HNRNPUL1: variants seen among roughly 807,000 people sequenced by gnomAD.
The protein encoded by HNRNPUL1 is heterogeneous nuclear ribonucleoprotein U like 1, also known as heterogeneous nuclear ribonucleoprotein U-like protein 1.
Under a neutral mutation model 108.5 loss-of-function variants are expected in HNRNPUL1, and 14 were observed. The ratio of observed to expected loss-of-function variants is 0.13; its 90% CI spans 0.09 to 0.20. HNRNPUL1 has a LOEUF of 0.20. Among genes scored for constraint, HNRNPUL1 ranks in the 10% least tolerant of loss-of-function variants. The probability of loss-of-function intolerance (pLI) is 1.00; values close to 1 mark genes in which losing one functional copy is unlikely to be tolerated. For synonymous variants in HNRNPUL1, 422 were observed against 445.2 expected (o/e 0.95, Z 0.66); for missense variants, 804 against 1,168.3 (o/e 0.69, Z 4.55).
Position 41,292,205 on chromosome 19 carries a change from C to T in HNRNPUL1, c.1000-40C>T, listed in dbSNP as rs546128654. The T allele has an allele frequency of 1.1e-5, 18 of 1,604,222 alleles. No individual in the cohort carries two copies. The East Asian group carries it at 2.0e-4, about 18-fold the overall frequency. On this transcript the variant is annotated intron_variant, in intron 7 of 14. Coordinates refer to ENST00000392006, the MANE Select transcript of HNRNPUL1 (RefSeq NM_007040.6). The surrounding 1 kb of genome is among the most constrained non-coding windows in gnomAD (Gnocchi z 4.1). ...CACATTTGACTCCCAGTGCCTATGG[C>T]AAGAGTTGGCAATCATATTCCTTTG...
intron 7 of HNRNPUL1, among the ~76,000 whole-genome samples, chr19:41,281,492 C>G (rs1355701314): frequency 6.6e-6 from 1 of 151,998 alleles, no homozygotes; most frequent in East Asian, 1.9e-4. Flanking sequence ...AGATGACACC[C>G]TGAAGAGGTT....
intron 6 of HNRNPUL1, among the ~76,000 whole-genome samples, chr19:41,280,692 C>A (rs2035851484): frequency 6.6e-6 from 1 of 152,172 alleles, no homozygotes; most frequent in African/African-American, 2.4e-5. Context: ...TCAGTCATAT[C>A]ACTTCAGCAC....
chr19:41,297,657 C>A (rs962563202), intron 10 of HNRNPUL1, among the ~76,000 whole-genome samples: 2 of 152,190 alleles, frequency 1.3e-5, no homozygotes, highest in African/African-American at 2.4e-5. Context: ...GCCATGTTGC[C>A]CAAGCCCACC....
chr19:41,277,062 A>C (rs1301681011), intron 5 of HNRNPUL1, among the ~76,000 whole-genome samples: 2 of 149,856 alleles, frequency 1.3e-5, no homozygotes, highest in African/African-American at 2.5e-5. Flanking sequence ...ACGCCACTGC[A>C]CTCCAGCCTG....
At chr19:41,287,114 C>T (rs986913758) in intron 7 of HNRNPUL1, among the ~76,000 whole-genome samples, 1 of 151,986 alleles carries the variant, frequency 6.6e-6, no homozygotes, top group African/African-American at 2.4e-5. Flanking sequence ...CTCCCAGGTT[C>T]AAGTGATTTT....
chr19:41,276,380 T>C, intron 5 of HNRNPUL1, 82 bp downstream of exon 5: 1 of 1,455,220 alleles, frequency 6.9e-7, no homozygotes, highest in Non-Finnish European at 9.3e-7. Flanking sequence ...TGGTCAGAGC[T>C]GCAACTGCAA....
intron 4 of HNRNPUL1, 81 bp downstream of exon 4, chr19:41,274,136 T>G (rs2035407418): frequency 3.6e-6 from 4 of 1,117,036 alleles, no homozygotes; most frequent in Admixed American, 3.4e-5. Context: ...CCAGAATCCC[T>G]GCTGGGCACC....
chr19:41,283,948 G>A (rs1475582987), intron 7 of HNRNPUL1, among the ~76,000 whole-genome samples: 3 of 152,320 alleles, frequency 2.0e-5, no homozygotes, highest in Non-Finnish European at 4.4e-5. Context: ...ACCTCCTATT[G>A]CTATTATGGT....
chr19:41,290,011 G>A (rs536256150), intron 7 of HNRNPUL1, among the ~76,000 whole-genome samples: 5 of 152,068 alleles, frequency 3.3e-5, no homozygotes, highest in East Asian at 1.9e-4. Flanking sequence ...ACATCCAGCC[G>A]CTCTCCATGG....
chr19:41,264,350 G>A, upstream of HNRNPUL1: 1 of 557,398 alleles, frequency 1.8e-6, no homozygotes, highest in Non-Finnish European at 2.8e-6. Flanking sequence ...CACGAGTGAG[G>A]GGGGAGGCGG....
chr19:41,277,574 T>G (rs1259672815), intron 5 of HNRNPUL1, among the ~76,000 whole-genome samples: 1 of 152,202 alleles, frequency 6.6e-6, no homozygotes, highest in Non-Finnish European at 1.5e-5. Flanking sequence ...TGGCGCGATC[T>G]CGGCTCACTG....
intron 10 of HNRNPUL1, among the ~76,000 whole-genome samples, chr19:41,297,046 ACT>A (rs2036933070): frequency 6.6e-6 from 1 of 152,040 alleles, no homozygotes; most frequent in Non-Finnish European, 1.5e-5. Flanking sequence ...TTGGGCACAA[ACT>A]CTCAGGTATA....
intron 5 of HNRNPUL1, 79 bp downstream of exon 5, chr19:41,276,377 A>T (rs781724680): frequency 2.1e-5 from 31 of 1,471,454 alleles, no homozygotes; most frequent in Non-Finnish European, 2.5e-5. Context: ...CCTTGGTCAG[A>T]GCTGCAACTG....
chr19:41,287,039 G>A (rs1390041577), intron 7 of HNRNPUL1, among the ~76,000 whole-genome samples: 1 of 150,170 alleles, frequency 6.7e-6, no homozygotes, highest in Non-Finnish European at 1.5e-5. Flanking sequence ...TTTTTGAGAC[G>A]GAGTCTTGTT....
upstream of HNRNPUL1, among the ~76,000 whole-genome samples, chr19:41,263,902 T>G (rs2034640506): frequency 6.6e-6 from 1 of 152,206 alleles, no homozygotes; most frequent in Non-Finnish European, 1.5e-5. Context: ...AAGGAGGGGT[T>G]TCTGCCGACC....
In HNRNPUL1 at chr19:41,292,589, C is replaced by CACA; in HGVS notation, c.1266+78_1266+79insACA. 1 of 1,513,436 alleles carries CACA rather than the reference C, an allele frequency of 6.6e-7. No homozygotes were observed. The highest frequency in any genetic ancestry group is 9.1e-7 in the Non-Finnish European group (1 of 1,099,278). 93.8% of individuals were successfully genotyped at this position (1,513,436 alleles called of 1,614,324 possible). On this transcript the variant is annotated intron_variant, in intron 8 of 14. Transcript: ENST00000392006. The surrounding 1 kb of genome is among the most constrained non-coding windows in gnomAD (Gnocchi z 4.1). ...ACACACACACACACACACACACAGACTTGCTGCGAGAGTAGCCTTGGGGCA... is the reference window on the plus strand; with the variant it reads ...ACACACACACACACACACACACAGACACATTGCTGCGAGAGTAGCCTTGGGGCA...
intron 2 of HNRNPUL1, among the ~76,000 whole-genome samples, chr19:41,270,162 C>T (rs2035133532): frequency 6.6e-6 from 1 of 152,020 alleles, no homozygotes; most frequent in Non-Finnish European, 1.5e-5. Context: ...TTTGTATTTT[C>T]AGTAGTGACG....
At chr19:41,283,609 C>G (rs763872548) in intron 7 of HNRNPUL1, among the ~76,000 whole-genome samples, 4 of 152,164 alleles carry the variant, frequency 2.6e-5, no homozygotes, top group Non-Finnish European at 4.4e-5. Flanking sequence ...GTGCACGCCA[C>G]CATGCCTGGC....
intron 6 of HNRNPUL1, among the ~76,000 whole-genome samples, chr19:41,279,976 C>G (rs906032537): frequency 6.6e-6 from 1 of 152,168 alleles, no homozygotes; most frequent in African/African-American, 2.4e-5. Context: ...TTTTTGACTA[C>G]TGCATAATTT....
Sources: gnomAD v4.1 joint callset for allele counts (sites outside exome capture counted in the v4.1 genomes callset) on GRCh38, gnomAD v4.1.1 for gene constraint, Gnocchi (gnomAD v3.1) non-coding constraint, MANE v1.5 for transcripts, NCBI Gene and HGNC (gene_info 2026-07-23, HGNC 2026-07-21) for gene names.